Variants in ATRN observed in about 807,000 individuals in gnomAD.
The protein encoded by ATRN is attractin.
ATRN carries 54 observed loss-of-function variants against 178.7 expected under a neutral mutation model. The observed-to-expected ratio is 0.30, with a 90% CI of 0.24 to 0.38. The LOEUF (loss-of-function observed/expected upper bound fraction) is 0.38. Among genes scored for constraint, ATRN ranks in the 10% least tolerant of loss-of-function variants. The probability of loss-of-function intolerance (pLI) is 1.00; values close to 1 mark genes in which losing one functional copy is unlikely to be tolerated. For synonymous variants in ATRN, 636 were observed against 663.0 expected (o/e 0.96, Z 0.63); for missense variants, 1,443 against 1,815.1 (o/e 0.79, Z 3.73).
intron 1 of ATRN, among the ~76,000 whole-genome samples, chr20:3,482,274 A>G (rs1237559608): frequency 6.7e-6 from 1 of 148,674 alleles, no homozygotes; most frequent in Non-Finnish European, 1.5e-5. Context: ...GTTGTAGACA[A>G]AAAAAAAAGA....
chr20:3,498,033 A>G (rs960547312), intron 1 of ATRN, among the ~76,000 whole-genome samples: 4 of 152,230 alleles, frequency 2.6e-5, no homozygotes, highest in Non-Finnish European at 4.4e-5. Flanking sequence ...ACAAACTACC[A>G]TCAGAGAATA....
At chr20:3,549,402 A>G (rs1171601280) in intron 6 of ATRN, 64 bp downstream of exon 6, 7 of 1,351,628 alleles carry the variant, frequency 5.2e-6, no homozygotes, top group Non-Finnish European at 6.9e-6. Flanking sequence ...TATAAAGCAC[A>G]GATAAGCAAA....
chr20:3,501,244 A>C (rs238709), intron 1 of ATRN, among the ~76,000 whole-genome samples: 40,537 of 152,076 alleles, frequency 0.27, 5,968 homozygotes, highest in African/African-American at 0.33. Flanking sequence ...GATTAAGGAT[A>C]TTGGGACCAT....
chr20:3,583,322 G>A (rs1269466989), intron 16 of ATRN, among the ~76,000 whole-genome samples: 2 of 152,168 alleles, frequency 1.3e-5, no homozygotes, highest in Admixed American at 6.5e-5. Flanking sequence ...ATTCTAAGGG[G>A]CTTACAGCCC....
At chr20:3,494,356 C>A (rs909879735) in intron 1 of ATRN, among the ~76,000 whole-genome samples, 1 of 152,148 alleles carries the variant, frequency 6.6e-6, no homozygotes, top group Non-Finnish European at 1.5e-5. Context: ...TGTGCTAAGG[C>A]ATGCAGAGGT....
Position 3,471,186 on chromosome 20 carries a change from G to A in ATRN, c.79G>A (p.Gly27Ser). Residue 27 changes from glycine (G) to serine (S), a missense_variant, in exon 1 of 29, where the codon GGC becomes AGC. By Grantham distance (56) the Gly-to-Ser change is moderately conservative. This residue lies in a region of ATRN where 862 missense variants were observed against 972.1 expected (regional missense o/e 0.89). Coordinates refer to ENST00000262919, the MANE Select transcript of ATRN (RefSeq NM_139321.3). Reference sequence around the variant, plus strand: ...GACGGCAGCGCTCGCGGGCAGGAGCGGCGGGCCGCACTGGGACTGGGACGT... The same window carrying A: ...GACGGCAGCGCTCGCGGGCAGGAGCAGCGGGCCGCACTGGGACTGGGACGT... ...AATAALAGRS[G>S]GPHWDWDVTR... is the part of the protein sequence containing the mutation. 1 of 1,502,764 alleles carries A rather than the reference G, an allele frequency of 6.7e-7. No homozygotes were observed. Among genetic ancestry groups the A allele is most frequent in the East Asian group, 2.7e-5 (1 of 36,462 alleles). The allele number at this position is 1,502,764 out of a possible 1,614,324, so 93.1% of individuals were successfully genotyped here.
At chr20:3,603,661 G>A (rs1278409506) in intron 23 of ATRN, among the ~76,000 whole-genome samples, 6 of 151,974 alleles carry the variant, frequency 3.9e-5, no homozygotes, top group Middle Eastern at 3.2e-3. Flanking sequence ...GGCTAATTTT[G>A]TATTTTTAGT....
chr20:3,576,899 C>T lies in ATRN; in HGVS notation c.2255C>T (p.Pro752Leu), dbSNP rs770734526. ...TATGAGAATTGCCCCAAGGATAACC[C>T]CATGTACTACTGTAACAAGAAGACC... ...FRYENCPKDNPMYYCNKKTSC... is the reference protein window; with the variant it reads ...FRYENCPKDNLMYYCNKKTSC... Residue 752 changes from proline (P) to leucine (L), a missense_variant, in exon 14 of 29, where the codon CCC (proline) becomes CTC (leucine). By Grantham distance (98) the Pro-to-Leu change is moderately conservative. Coordinates refer to ENST00000262919, the MANE Select transcript of ATRN (RefSeq NM_139321.3). The T allele has an allele frequency of 1.2e-6, 2 of 1,614,124 alleles. No homozygotes were observed.
intron 1 of ATRN, among the ~76,000 whole-genome samples, chr20:3,472,063 A>G (rs2084437577): frequency 6.6e-6 from 1 of 152,184 alleles, no homozygotes; most frequent in Non-Finnish European, 1.5e-5. Context: ...TTCTAAAGGA[A>G]AGTGAGGAAA....
intron 18 of ATRN, among the ~76,000 whole-genome samples, chr20:3,587,991 C>G (rs1460305319): frequency 9.2e-5 from 14 of 152,080 alleles, no homozygotes; most frequent in Admixed American, 9.2e-4. Context: ...GTACTACAGG[C>G]ATGAGCTACC....
rs535172769 is a variant in ATRN at position 3,573,853 on chromosome 20, C to G, written c.2092+902C>G. Among the ~76,000 whole-genome samples, 176 of 152,190 alleles carry G rather than the reference C, an allele frequency of 1.2e-3. 1 individual carries two copies. Among genetic ancestry groups the G allele is most frequent in the African/African-American group, 4.1e-3 (172 of 41,526 alleles). ...GATCTCAGCTCACTACAACCTCCAC[C>G]TCCCAGGTTCAAGTGATTCTTATAC... On this transcript the variant is annotated intron_variant, in intron 12 of 28. Coordinates refer to ENST00000262919, the MANE Select transcript of ATRN (RefSeq NM_139321.3).
At chr20:3,644,380 C>A in intron 28 of ATRN, 112 bp downstream of exon 28, 1 of 864,858 alleles carries the variant, frequency 1.2e-6, no homozygotes, top group Non-Finnish European at 1.8e-6. Flanking sequence ...CCAACAGTGC[C>A]TGCCCATGCC....
At position 3,471,319 on chromosome 20, in the gene ATRN, C is replaced by CGCTGCT. The variant is rs772463780; in HGVS notation, c.227_232dup (p.Leu76_Leu77dup). ...CTGCTGCTGTTGTTGCTCTCGCCGC[C>CGCTGCT]GCTGCTGCTGCTGCTGCTGCCCTGT... is the stretch of plus-strand genomic sequence containing the variant. On this transcript the variant is annotated inframe_insertion, in exon 1 of 29. Transcript: ENST00000262919. 24 of 1,481,110 alleles carry CGCTGCT rather than the reference C, an allele frequency of 1.6e-5. No homozygotes were observed. Among genetic ancestry groups the CGCTGCT allele is most frequent in the Non-Finnish European group, 1.2e-5 (14 of 1,124,628 alleles). 91.7% of individuals were successfully genotyped at this position (1,481,110 alleles called of 1,614,324 possible). A position where few individuals can be genotyped will look rare whatever the true frequency, so the allele number is the denominator to read the frequency against.
chr20:3,522,865 C>A (rs1250298521), intron 1 of ATRN, among the ~76,000 whole-genome samples: 1 of 152,052 alleles, frequency 6.6e-6, no homozygotes, highest in African/African-American at 2.4e-5. Flanking sequence ...GGAATAGGAT[C>A]ACCATCAACA....
chr20:3,608,274 C>T (rs1373668894), intron 24 of ATRN, among the ~76,000 whole-genome samples: 3 of 152,196 alleles, frequency 2.0e-5, no homozygotes, highest in East Asian at 1.9e-4. Context: ...CACAAAACAT[C>T]TTTGCCCAGA....
intron 24 of ATRN, among the ~76,000 whole-genome samples, chr20:3,615,195 G>A (rs1053116603): frequency 1.3e-5 from 2 of 152,098 alleles, no homozygotes; most frequent in Non-Finnish European, 2.9e-5. Context: ...TAGGGAGGCC[G>A]AGGCGGGCAG....
At chr20:3,484,947 T>C (rs2084670611) in intron 1 of ATRN, among the ~76,000 whole-genome samples, 1 of 146,366 alleles carries the variant, frequency 6.8e-6, no homozygotes, top group Non-Finnish European at 1.5e-5. Context: ...ATTATTATTA[T>C]TGCACTGAGT....
At chr20:3,635,286 C>G (rs2087017094) in intron 26 of ATRN, among the ~76,000 whole-genome samples, 1 of 151,728 alleles carries the variant, frequency 6.6e-6, no homozygotes, top group Non-Finnish European at 1.5e-5. Flanking sequence ...ATAGGTGCAC[C>G]AGAATCTCAG....
At position 3,584,210 on chromosome 20, in the gene ATRN, C is replaced by T. The variant is rs1243985367; in HGVS notation, c.2950+127C>T. On this transcript the variant is annotated intron_variant, in intron 17 of 28. Transcript: ENST00000262919. ...AGACTGGACATGACCTCTGCTCAAACCTGACCAGAGACTGCCATCGAGACC... is the reference window on the plus strand; with the variant it reads ...AGACTGGACATGACCTCTGCTCAAATCTGACCAGAGACTGCCATCGAGACC... The T allele has an allele frequency of 3.9e-6, 4 of 1,030,582 alleles. No individual in the cohort carries two copies. In the African/African-American group the frequency reaches 4.8e-5, roughly 12 times the overall value. 63.8% of individuals were successfully genotyped at this position (1,030,582 alleles called of 1,614,324 possible).
Sources: gnomAD v4.1 joint callset for allele counts (sites outside exome capture counted in the v4.1 genomes callset) on GRCh38, gnomAD v4.1.1 for gene constraint, gnomAD v4.1.1 regional missense constraint, MANE v1.5 for transcripts, NCBI Gene and HGNC (gene_info 2026-07-23, HGNC 2026-07-21) for gene names.